SOHLH2: variants seen among roughly 807,000 people sequenced by gnomAD.
SOHLH2 encodes the protein spermatogenesis and oogenesis specific basic helix-loop-helix 2.
In SOHLH2, 22 loss-of-function variants were observed where a neutral mutation model predicts 50.4. That is an observed-to-expected ratio of 0.44 (90% CI 0.31 to 0.62). SOHLH2 has a LOEUF of 0.62. Among genes scored for constraint, SOHLH2 ranks in the 20% least tolerant of loss-of-function variants. SOHLH2 has a pLI of 0.08. For synonymous variants in SOHLH2, 185 were observed against 187.3 expected, an observed-to-expected ratio of 0.99 and a Z score of 0.10; for missense variants, 412 against 504.4, an observed-to-expected ratio of 0.82 and a Z score of 1.76.
rs75817542 is a variant in SOHLH2, at chr13:36,211,507, A to G, written c.48+2972T>C. Among the ~76,000 whole-genome samples, 34 of 152,362 alleles carry G rather than the reference A, an allele frequency of 2.2e-4. 1 individual carries two copies. The East Asian group carries it at 6.2e-3, about 28-fold the overall frequency. On this transcript the variant is annotated intron_variant, in intron 1 of 10. Coordinates refer to ENST00000379881, the MANE Select transcript of SOHLH2 (RefSeq NM_017826.3). Reference sequence around the variant, plus strand: ...AATAGCCCTTTTCTCTGCTGATAAGAAAGCATGGCATTCAATCCTTGGAAT... The same window carrying G: ...AATAGCCCTTTTCTCTGCTGATAAGGAAGCATGGCATTCAATCCTTGGAAT...
intron 5 of SOHLH2, among the ~76,000 whole-genome samples, 175 bp downstream of exon 5, chr13:36,191,620 T>C (rs1342369792): frequency 6.6e-6 from 1 of 152,212 alleles, no homozygotes; most frequent in Non-Finnish European, 1.5e-5. Flanking sequence ...TGGTCAAGTC[T>C]AATTGTTTAT....
At chr13:36,180,820 T>C (rs1223205688) in intron 6 of SOHLH2, among the ~76,000 whole-genome samples, 1 of 152,192 alleles carries the variant, frequency 6.6e-6, no homozygotes, top group East Asian at 1.9e-4. Flanking sequence ...GACTGTACCA[T>C]GTGCCACTGA....
At chr13:36,200,904 C>A (rs1887881829) in intron 2 of SOHLH2, among the ~76,000 whole-genome samples, 1 of 151,820 alleles carries the variant, frequency 6.6e-6, no homozygotes. Flanking sequence ...CAAAAATTAG[C>A]CAGGCGTGGT....
intron 5 of SOHLH2, among the ~76,000 whole-genome samples, chr13:36,191,486 T>C (rs923108992): frequency 6.6e-6 from 1 of 152,166 alleles, no homozygotes; most frequent in African/African-American, 2.4e-5. Flanking sequence ...AATTTCACTG[T>C]TTTTATGAAG....
intron 1 of SOHLH2, among the ~76,000 whole-genome samples, chr13:36,203,812 GCATGCC>G (rs1667916872): frequency 1.3e-5 from 2 of 151,864 alleles, no homozygotes; most frequent in Non-Finnish European, 2.9e-5. Flanking sequence ...TATTTATCAT[GCATGCC>G]CATTTACTCC....
intron 1 of SOHLH2, among the ~76,000 whole-genome samples, 195 bp downstream of exon 1, chr13:36,214,284 G>C (rs1869298441): frequency 6.6e-6 from 1 of 152,088 alleles, no homozygotes; most frequent in Admixed American, 6.5e-5. Flanking sequence ...AAGCCGGGTC[G>C]GCGCTTCCCC....
intron 6 of SOHLH2, among the ~76,000 whole-genome samples, chr13:36,184,682 TCTC>T (rs1887363259): frequency 6.6e-6 from 1 of 152,148 alleles, no homozygotes; most frequent in East Asian, 1.9e-4. Flanking sequence ...ATGGTCTCGA[TCTC>T]CTGACCTCGT....
chr13:36,195,434 A>AT lies in SOHLH2; in HGVS notation c.264-1568dup, dbSNP rs367846591. ...CACAGGGCATCTGAGGAAGAAAAGC[A>AT]TAAGTGGAGACCAAAGAGCGAGGGA... On this transcript the variant is annotated intron_variant, in intron 2 of 10. Transcript: ENST00000379881. 1.6e-3 allele frequency among the ~76,000 whole-genome samples: 243 copies of AT among 152,314 alleles called. 3 individuals are homozygous for AT. The highest frequency in any genetic ancestry group is 5.6e-3 in the African/African-American group (234 of 41,578).
intron 5 of SOHLH2, among the ~76,000 whole-genome samples, chr13:36,190,376 T>C (rs1386385532): frequency 1.3e-5 from 2 of 152,124 alleles, no homozygotes; most frequent in African/African-American, 4.8e-5. Context: ...TATATGACTA[T>C]GCACCCTTCA....
At chr13:36,202,467 A>G (rs1015657366) in intron 1 of SOHLH2, among the ~76,000 whole-genome samples, 1 of 152,230 alleles carries the variant, frequency 6.6e-6, no homozygotes, top group African/African-American at 2.4e-5. Flanking sequence ...GATCAAAGTC[A>G]TGACTCTCCC....
At chr13:36,205,428 A>G (rs1868696523) in intron 1 of SOHLH2, among the ~76,000 whole-genome samples, 3 of 152,178 alleles carry the variant, frequency 2.0e-5, no homozygotes. Flanking sequence ...ATCAGTTAAA[A>G]AAGTTTCTAT....
At chr13:36,205,767 T>C (rs1030367898) in intron 1 of SOHLH2, among the ~76,000 whole-genome samples, 2 of 152,088 alleles carry the variant, frequency 1.3e-5, no homozygotes, top group Non-Finnish European at 2.9e-5. Flanking sequence ...TTGAATAGTT[T>C]ATAAAACACA....
chr13:36,186,615 A>G (rs1232940842), intron 6 of SOHLH2, among the ~76,000 whole-genome samples: 1 of 152,154 alleles, frequency 6.6e-6, no homozygotes, highest in Non-Finnish European at 1.5e-5. Context: ...AAATTATTAC[A>G]CCACCATCAT....
In SOHLH2 at chr13:36,198,132, T is replaced by G. The variant is rs555342477; in HGVS notation, c.263+3747A>C. On this transcript the variant is annotated intron_variant, in intron 2 of 10. Coordinates refer to ENST00000379881, the MANE Select transcript of SOHLH2 (RefSeq NM_017826.3). ...CAATTAAAGCTACATGGGGAAGAAA[T>G]GAAATCAGATTCAAACTTGATTTGT... Among the ~76,000 whole-genome samples the G allele has an allele frequency of 6.6e-4, 101 of 152,244 alleles. 1 individual carries two copies. Among genetic ancestry groups the G allele is most frequent in the African/African-American group, 2.3e-3 (97 of 41,552 alleles).
At chr13:36,212,635 T>G (rs1248896691) in intron 1 of SOHLH2, among the ~76,000 whole-genome samples, 1 of 152,232 alleles carries the variant, frequency 6.6e-6, no homozygotes, top group African/African-American at 2.4e-5. Flanking sequence ...ATGAAATATC[T>G]TTTTCTGTTT....
intron 6 of SOHLH2, among the ~76,000 whole-genome samples, chr13:36,183,722 T>C (rs780422392): frequency 6.6e-6 from 1 of 152,132 alleles, no homozygotes; most frequent in South Asian, 2.1e-4. Flanking sequence ...TAAAGACATA[T>C]ACAGGTTAGA....
Position 36,173,750 on chromosome 13 carries a change from C to T in SOHLH2, c.942G>A (p.Thr314=), listed in dbSNP as rs564169264. 2.2e-5 allele frequency: 35 copies of T among 1,613,964 alleles called. No homozygotes were observed. The highest frequency in any genetic ancestry group is 1.1e-4 in the South Asian group (10 of 91,080). ...PERGLQFLTN[T]CWNGCSTPDA... Reference sequence around the variant, plus strand: ...CAGGAGTGGAGCACCCATTCCAGCACGTATTAGTCAGGAATTGGAGCCCTC... The same window carrying T: ...CAGGAGTGGAGCACCCATTCCAGCATGTATTAGTCAGGAATTGGAGCCCTC... Residue 314 remains threonine, a synonymous_variant, in exon 9 of 11, where the codon ACG becomes ACA. Coordinates refer to ENST00000379881, the MANE Select transcript of SOHLH2 (RefSeq NM_017826.3).
intron 1 of SOHLH2, 73 bp from the exon 2 acceptor site, chr13:36,202,166 T>C (rs1868458943): frequency 1.3e-6 from 2 of 1,545,708 alleles, no homozygotes; most frequent in Non-Finnish European, 1.8e-6. Flanking sequence ...TATGAGAGGA[T>C]AAGATAAATA....
chr13:36,174,449 T>G, intron 8 of SOHLH2, 27 bp downstream of exon 8: 1 of 1,609,014 alleles, frequency 6.2e-7, no homozygotes, highest in Non-Finnish European at 8.5e-7. Flanking sequence ...CTAGCAGACT[T>G]CAGATTCGCA....
Sources: allele counts gnomAD v4.1 joint callset (sites outside exome capture counted in the v4.1 genomes callset), GRCh38; gene constraint gnomAD v4.1.1; transcripts MANE v1.5; gene names NCBI Gene and HGNC (gene_info 2026-07-23, HGNC 2026-07-21).